Variants in PCDHA5 observed in about 807,000 individuals in gnomAD.
PCDHA5 encodes protocadherin alpha-5.
In PCDHA5, 43 loss-of-function variants were observed where a neutral mutation model predicts 61.6. That is an observed-to-expected ratio of 0.70 (90% CI 0.55 to 0.90). PCDHA5 has a LOEUF of 0.90. Ranked by LOEUF, PCDHA5 falls within the 40% of genes least tolerant of loss-of-function variation. The pLI is 0.00. For missense variants in PCDHA5, 1,298 were observed against 1,222.7 expected, an observed-to-expected ratio of 1.06 and a Z score of -0.92; for synonymous variants, 627 against 543.9, an observed-to-expected ratio of 1.15 and a Z score of -2.13.
intron 1 of PCDHA5, among the ~76,000 whole-genome samples, chr5:140,826,973 A>G (rs1483658435): frequency 1.3e-5 from 2 of 152,200 alleles, no homozygotes; most frequent in South Asian, 2.1e-4. Context: ...GGAGTAATTT[A>G]AAAAGTAATA....
chr5:140,981,603 C>T (rs1213864255), intron 2 of PCDHA5, among the ~76,000 whole-genome samples: 4 of 152,052 alleles, frequency 2.6e-5, no homozygotes, highest in Non-Finnish European at 5.9e-5. Context: ...CAAAATGTTC[C>T]TCTAATTTTG....
At chr5:140,976,666 A>G (rs1260651584) in intron 1 of PCDHA5, among the ~76,000 whole-genome samples, 4 of 152,188 alleles carry the variant, frequency 2.6e-5, no homozygotes, top group African/African-American at 9.6e-5. Flanking sequence ...CAAAGTTCAG[A>G]TGTCTCATTT....
intron 1 of PCDHA5, chr5:140,927,842 T>A (rs201721848): frequency 1.9e-6 from 3 of 1,614,140 alleles, no homozygotes; most frequent in Admixed American, 1.7e-5. Context: ...GACGAAGGTG[T>A]CTTTGGTTTA....
At chr5:140,827,965 T>A in intron 1 of PCDHA5, 1 of 1,335,940 alleles carries the variant, frequency 7.5e-7, no homozygotes, top group Non-Finnish European at 1.0e-6. Flanking sequence ...CTTCTATTAC[T>A]GCATCATTCC....
At chr5:140,869,746 A>G in intron 1 of PCDHA5, 1 of 1,613,340 alleles carries the variant, frequency 6.2e-7, no homozygotes, top group Non-Finnish European at 8.5e-7. Flanking sequence ...GCTAACAGCT[A>G]CAGACGGGGG....
intron 3 of PCDHA5, among the ~76,000 whole-genome samples, chr5:140,997,635 A>C (rs1317325954): frequency 6.6e-6 from 1 of 151,942 alleles, no homozygotes; most frequent in Non-Finnish European, 1.5e-5. Context: ...CAAAAAGCAA[A>C]ATGGGATAAT....
At chr5:140,891,801 C>T (rs2063255606) in intron 1 of PCDHA5, among the ~76,000 whole-genome samples, 1 of 152,056 alleles carries the variant, frequency 6.6e-6, no homozygotes, top group Non-Finnish European at 1.5e-5. Context: ...AGGGATCTGC[C>T]CTCATGAATA....
chr5:140,876,454 C>A, intron 1 of PCDHA5: 2 of 1,613,996 alleles, frequency 1.2e-6, no homozygotes, highest in Non-Finnish European at 1.7e-6. Context: ...TAAAGGGATT[C>A]CTTCCATGGC....
chr5:140,979,004 A>T lies in PCDHA5; in HGVS notation c.2408A>T (p.His803Leu). ...RYSASLRAGM[H>L]SSVHLEEAGI... Reference sequence around the variant, plus strand: ...TCTGCCTCCCTGAGAGCAGGCATGCACAGGTATGTATTTCCCTCCTCATTC... The same window carrying T: ...TCTGCCTCCCTGAGAGCAGGCATGCTCAGGTATGTATTTCCCTCCTCATTC... Residue 803 changes from histidine (H) to leucine (L), a missense_variant, in exon 2 of 4, where the codon CAC becomes CTC. His to Leu is a moderately conservative substitution (Grantham distance 99). Coordinates refer to ENST00000529859, the MANE Select transcript of PCDHA5 (RefSeq NM_018908.3). The T allele has an allele frequency of 6.2e-7, 1 of 1,614,144 alleles. No homozygotes were observed. Among genetic ancestry groups the T allele is most frequent in the South Asian group, 1.1e-5 (1 of 91,052 alleles).
In PCDHA5 at chr5:140,929,128, A is replaced by G. The variant is rs142487298; in HGVS notation, c.2353-49821A>G. On this transcript the variant is annotated intron_variant, in intron 1 of 3. Transcript: ENST00000529859. Reference sequence around the variant, plus strand: ...GACATCAGCCACCATAGATGTCACTACAGTTGAGAGACTTTCTCAGACTTA... The same window carrying G: ...GACATCAGCCACCATAGATGTCACTGCAGTTGAGAGACTTTCTCAGACTTA... The G allele has an allele frequency of 8.1e-6, 13 of 1,614,054 alleles. No individual in the cohort carries two copies. In the African/African-American group the frequency reaches 1.5e-4, roughly 18 times the overall value.
Position 140,851,565 on chromosome 5 carries a change from G to A in PCDHA5, c.2352+27438G>A, listed in dbSNP as rs558874725. 1.9e-4 allele frequency: 177 copies of A among 908,116 alleles called. 7 individuals carry two copies. The African/African-American group carries it at 3.0e-3, about 15-fold the overall frequency. The allele number at this position is 908,116 out of a possible 1,614,324, so 56.3% of individuals were successfully genotyped here. ...TTCAAGAAATGTTGACTGAAATTTT[G>A]TCTACACTTAGAACATTTTTTGAAA... On this transcript the variant is annotated intron_variant, in intron 1 of 3. Coordinates refer to ENST00000529859, the MANE Select transcript of PCDHA5 (RefSeq NM_018908.3).
chr5:140,917,294 G>A (rs1369973116), intron 1 of PCDHA5, among the ~76,000 whole-genome samples: 2 of 143,498 alleles, frequency 1.4e-5, no homozygotes, highest in Non-Finnish European at 3.0e-5. Flanking sequence ...TCCGTGTGCA[G>A]ATAGTTGTTA....
At chr5:140,982,202 G>A (rs2096970508) in intron 2 of PCDHA5, 2 of 405,606 alleles carry the variant, frequency 4.9e-6, no homozygotes, top group Non-Finnish European at 8.1e-6. Context: ...GTTAGATTTA[G>A]TGAGCGCCAC....
At chr5:140,890,363 C>T (rs1217094920) in intron 1 of PCDHA5, among the ~76,000 whole-genome samples, 1 of 152,036 alleles carries the variant, frequency 6.6e-6, no homozygotes, top group African/African-American at 2.4e-5. Flanking sequence ...CAATGGATAA[C>T]CTGAACAAGT....
chr5:140,918,387 C>A (rs1554198606), intron 1 of PCDHA5, among the ~76,000 whole-genome samples: 1 of 152,142 alleles, frequency 6.6e-6, no homozygotes, highest in Non-Finnish European at 1.5e-5. Context: ...TTATTTCTTT[C>A]TCTTGCCTGA....
chr5:141,006,504 C>T (rs911793343), intron 3 of PCDHA5, among the ~76,000 whole-genome samples: 4 of 152,022 alleles, frequency 2.6e-5, no homozygotes, highest in East Asian at 1.9e-4. Flanking sequence ...TGAGCCACCG[C>T]GCCTGGCTGT....
chr5:141,009,449 A>T, intron 3 of PCDHA5, among the ~76,000 whole-genome samples, 178 bp from the exon 4 acceptor site: 1 of 152,184 alleles, frequency 6.6e-6, no homozygotes, highest in Non-Finnish European at 1.5e-5. Context: ...GTCTCAAAAA[A>T]ATTAAACAAA....
chr5:140,858,616 T>G (rs1562539811), intron 1 of PCDHA5: 1 of 1,182,404 alleles, frequency 8.5e-7, no homozygotes, highest in Non-Finnish European at 1.2e-6. Context: ...TTTTTTATCC[T>G]ACCCAGTGTG....
chr5:140,930,925 G>T (rs1271801364), intron 1 of PCDHA5, among the ~76,000 whole-genome samples: 7 of 152,158 alleles, frequency 4.6e-5, no homozygotes, highest in Admixed American at 4.6e-4. Flanking sequence ...ATGTGTATAT[G>T]TGGTTAACAG....
Sources: gnomAD v4.1 joint callset for allele counts (sites outside exome capture counted in the v4.1 genomes callset) on GRCh38, gnomAD v4.1.1 for gene constraint, MANE v1.5 for transcripts, NCBI Gene and HGNC (gene_info 2026-07-23, HGNC 2026-07-21) for gene names.